Variants in GATAD2A observed in about 807,000 individuals in gnomAD.
The protein encoded by GATAD2A is GATA zinc finger domain containing 2A.
GATAD2A carries 12 observed loss-of-function variants against 68.5 expected under a neutral mutation model. The ratio of observed to expected loss-of-function variants is 0.18; its 90% CI spans 0.11 to 0.28. The LOEUF (loss-of-function observed/expected upper bound fraction) is 0.28, where lower values mean the gene tolerates loss of function less well. Ranked by LOEUF, GATAD2A falls within the 10% of genes least tolerant of loss-of-function variation. The probability of loss-of-function intolerance (pLI) is 1.00; values close to 1 mark genes in which losing one functional copy is unlikely to be tolerated. For missense variants in GATAD2A, 755 were observed against 868.5 expected (o/e 0.87, Z 1.64); for synonymous variants, 410 against 375.3 (o/e 1.09, Z -1.07).
intron 4 of GATAD2A, 67 bp from the exon 5 acceptor site, chr19:19,494,227 C>A: frequency 1.2e-6 from 1 of 831,546 alleles, no homozygotes; most frequent in Non-Finnish European, 2.0e-6. Context: ...TAAATCTTGG[C>A]AACTCCGTGT....
intron 1 of GATAD2A, among the ~76,000 whole-genome samples, chr19:19,452,078 A>T (rs556532539): frequency 6.6e-6 from 1 of 152,334 alleles, no homozygotes; most frequent in South Asian, 2.1e-4. Context: ...CATGCGTATG[A>T]GTGTGAGTAT....
chr19:19,487,507 C>T (rs914222363), intron 2 of GATAD2A, among the ~76,000 whole-genome samples: 2 of 151,584 alleles, frequency 1.3e-5, no homozygotes, highest in African/African-American at 4.8e-5. Flanking sequence ...GTGGGTGGGC[C>T]AGTCACTGGG....
At chr19:19,408,062 C>T (rs2050484695) in intron 1 of GATAD2A, among the ~76,000 whole-genome samples, 1 of 152,180 alleles carries the variant, frequency 6.6e-6, no homozygotes, top group African/African-American at 2.4e-5. Flanking sequence ...TGGAGTGGCA[C>T]GATCTTGGTT....
At chr19:19,470,143 AT>A (rs750710437) in intron 2 of GATAD2A, among the ~76,000 whole-genome samples, 35 of 132,822 alleles carry the variant, frequency 2.6e-4, no homozygotes, top group Middle Eastern at 3.9e-3. Flanking sequence ...CTGCGACTTT[AT>A]TTTTTTTTTT....
intron 1 of GATAD2A, among the ~76,000 whole-genome samples, chr19:19,431,844 G>C: frequency 6.6e-6 from 1 of 152,142 alleles, no homozygotes; most frequent in East Asian, 1.9e-4. Context: ...CAACACAGTA[G>C]CTGTGTTGTG....
At chr19:19,435,325 G>C (rs1386647383) in intron 1 of GATAD2A, among the ~76,000 whole-genome samples, 1 of 152,094 alleles carries the variant, frequency 6.6e-6, no homozygotes, top group Non-Finnish European at 1.5e-5. Flanking sequence ...CCTGGCTTAG[G>C]TGATACTCCC....
chr19:19,389,385 A>T (rs2048686619), intron 1 of GATAD2A, among the ~76,000 whole-genome samples: 1 of 152,152 alleles, frequency 6.6e-6, no homozygotes, highest in Non-Finnish European at 1.5e-5. Flanking sequence ...AGTTCACTTT[A>T]CAGTTTGACT....
rs552716217 is a variant in GATAD2A, at chr19:19,449,377, A to G, written c.-6-15963A>G. Reference sequence around the variant, plus strand: ...GGAATTTGCAGACCATCTAGATGTTATTTATTTTTAGAGACAGGGTCCAGG... The same window carrying G: ...GGAATTTGCAGACCATCTAGATGTTGTTTATTTTTAGAGACAGGGTCCAGG... On this transcript the variant is annotated intron_variant, in intron 1 of 11. Coordinates refer to ENST00000683918, the MANE Select transcript of GATAD2A (RefSeq NM_001384528.1). 1.1e-4 allele frequency among the ~76,000 whole-genome samples: 17 copies of G among 152,194 alleles called. No homozygotes were observed. The South Asian group carries it at 3.5e-3, about 32-fold the overall frequency.
chr19:19,487,862 C>T (rs1351611406), intron 2 of GATAD2A, among the ~76,000 whole-genome samples: 2 of 152,148 alleles, frequency 1.3e-5, no homozygotes, highest in Non-Finnish European at 2.9e-5. Context: ...TAGCAGAGCC[C>T]TCATCCCACC....
intron 1 of GATAD2A, among the ~76,000 whole-genome samples, chr19:19,408,188 T>G (rs1409474985): frequency 6.6e-6 from 1 of 152,210 alleles, no homozygotes; most frequent in South Asian, 2.1e-4. Context: ...GGTTTCACCA[T>G]GCTGGCCAGG....
At chr19:19,502,187 C>A in intron 10 of GATAD2A, 144 bp downstream of exon 10, 1 of 855,756 alleles carries the variant, frequency 1.2e-6, no homozygotes, top group Non-Finnish European at 1.8e-6. Flanking sequence ...CTCTGTGTAA[C>A]TTACCTGGTC....
At chr19:19,472,073 T>A (rs1255034482) in intron 2 of GATAD2A, among the ~76,000 whole-genome samples, 1 of 151,862 alleles carries the variant, frequency 6.6e-6, no homozygotes, top group Middle Eastern at 3.4e-3. Flanking sequence ...TTTTAAAAAA[T>A]TTTTTGTAGA....
intron 2 of GATAD2A, among the ~76,000 whole-genome samples, chr19:19,490,535 G>A (rs959621103): frequency 4.6e-5 from 7 of 152,094 alleles, no homozygotes; most frequent in Middle Eastern, 3.2e-3. Flanking sequence ...AACTTTGTCC[G>A]AGTTTGTTCT....
At chr19:19,425,399 G>C (rs2060275) in intron 1 of GATAD2A, among the ~76,000 whole-genome samples, 23,977 of 152,090 alleles carry the variant, frequency 0.16, 2,004 homozygotes, top group Middle Eastern at 0.28. Context: ...GTCATCCCAA[G>C]AGGACTCTGT....
At chr19:19,397,452 C>T (rs939436452) in intron 1 of GATAD2A, among the ~76,000 whole-genome samples, 4 of 151,590 alleles carry the variant, frequency 2.6e-5, no homozygotes, top group Admixed American at 2.0e-4. Flanking sequence ...CTCGAACTCC[C>T]GACCTCAGGC....
At chr19:19,410,605 C>T (rs549813065) in intron 1 of GATAD2A, among the ~76,000 whole-genome samples, 3 of 152,228 alleles carry the variant, frequency 2.0e-5, no homozygotes, top group Non-Finnish European at 4.4e-5. Flanking sequence ...AAGGTGGTGC[C>T]TTCGAGCACA....
At chr19:19,474,101 G>A (rs2148144490) in intron 2 of GATAD2A, 1 of 985,310 alleles carries the variant, frequency 1.0e-6, no homozygotes, top group East Asian at 1.1e-4. Flanking sequence ...TGCCAAAATG[G>A]GGCCAGCTGG....
intron 1 of GATAD2A, chr19:19,429,343 G>A (rs1037925369): frequency 2.9e-5 from 15 of 525,540 alleles, no homozygotes; most frequent in Non-Finnish European, 3.4e-5. Context: ...GGAACGGTGC[G>A]TGCAAAGGTC....
chr19:19,489,229 C>G (rs2059628786), intron 2 of GATAD2A, among the ~76,000 whole-genome samples: 1 of 152,194 alleles, frequency 6.6e-6, no homozygotes. Flanking sequence ...AGCAACAGTC[C>G]CCTGTGGGCT....
Sources: gnomAD v4.1 joint callset for allele counts (sites outside exome capture counted in the v4.1 genomes callset) on GRCh38, gnomAD v4.1.1 for gene constraint, MANE v1.5 for transcripts, NCBI Gene and HGNC (gene_info 2026-07-23, HGNC 2026-07-21) for gene names.